Variants in HSP90AB1 observed in about 807,000 individuals in gnomAD.
HSP90AB1 encodes heat shock protein 90 alpha family class B member 1.
In HSP90AB1, 17 loss-of-function variants were observed where a neutral mutation model predicts 67.8. The ratio of observed to expected loss-of-function variants is 0.25; its 90% CI spans 0.17 to 0.38. The LOEUF is 0.38. Ranked by LOEUF, HSP90AB1 falls within the 10% of genes least tolerant of loss-of-function variation. The pLI is 1.00. For missense variants in HSP90AB1, 690 were observed against 899.9 expected, an observed-to-expected ratio of 0.77 and a Z score of 2.98; for synonymous variants, 390 against 312.9, an observed-to-expected ratio of 1.25 and a Z score of -2.60.
rs749077147 is a variant in HSP90AB1 at position 44,253,567 on chromosome 6, A to G, written c.2144A>G (p.Glu715Gly). ...GAGATCCCCCCTCTCGAGGGCGATGAGGATGCGTCTCGCATGGAAGAAGTC... is the reference window on the plus strand; with the variant it reads ...GAGATCCCCCCTCTCGAGGGCGATGGGGATGCGTCTCGCATGGAAGAAGTC... The part of the protein sequence containing the change: ...PDEIPPLEGD[E>G]DASRMEEVD Residue 715 changes from glutamate (E) to glycine (G), a missense_variant, in exon 12 of 12, where the codon GAG becomes GGG. By Grantham distance (98) the Glu-to-Gly change is moderately conservative (BLOSUM62 -2). Coordinates refer to ENST00000371646, the MANE Select transcript of HSP90AB1 (RefSeq NM_007355.4). 3 of 1,613,818 alleles carry G rather than the reference A, an allele frequency of 1.9e-6. No individual in the cohort carries two copies. The African/African-American group carries it at 4.0e-5, about 22-fold the overall frequency.
intron 6 of HSP90AB1, 54 bp downstream of exon 6, chr6:44,250,653 T>C: frequency 1.1e-6 from 1 of 949,246 alleles, no homozygotes; most frequent in Non-Finnish European, 1.7e-6. Context: ...GAGGAATGAG[T>C]TAGGTGGAAG....
In HSP90AB1 at chr6:44,253,290, T is replaced by C; in HGVS notation, c.1977T>C (p.Phe659=). ...KAVKDLVVLL[F]ETALLSSGFS... ...TTAAGGACCTGGTGGTGCTGCTGTT[T>C]GAAACCGCCCTGCTATCTTCTGGCT... The change falls in exon 11 of 12, where the codon TTT becomes TTC. Residue 659 remains phenylalanine (F), a synonymous_variant. Transcript: ENST00000371646. 6.2e-7 allele frequency: 1 copy of C among 1,614,226 alleles called. No homozygotes were observed. The highest frequency in any genetic ancestry group is 8.5e-7 in the Non-Finnish European group (1 of 1,180,032).
At chr6:44,246,930 T>C (rs1413811868), upstream of HSP90AB1, among the ~76,000 whole-genome samples, 2 of 152,192 alleles carry the variant, frequency 1.3e-5, no homozygotes, top group African/African-American at 2.4e-5. Context: ...GGCGGATCCG[T>C]TGCTTGGGTT....
chr6:44,251,375 C>T, intron 7 of HSP90AB1, 43 bp from the exon 8 acceptor site: 4 of 1,577,540 alleles, frequency 2.5e-6, no homozygotes, highest in Non-Finnish European at 3.5e-6. Context: ...CAGGTCTGGT[C>T]TAGCTGTTTT....
Position 44,251,057 on chromosome 6 carries a change from G to A in HSP90AB1, c.967G>A (p.Val323Ile). Residue 323 changes from valine (V) to isoleucine (I), a missense_variant, in exon 7 of 12, where the codon GTA (valine) becomes ATA (isoleucine). Val to Ile is a conservative substitution (Grantham distance 29). Transcript: ENST00000371646. ...TTTTGGTTTCTTTCAGCACTTTTCT[G>A]TAGAAGGTCAGTTGGAATTCAGGGC... ...EDHLAVKHFS[V>I]EGQLEFRALL... 6.2e-7 allele frequency: 1 copy of A among 1,613,982 alleles called. No individual in the cohort carries two copies. Among genetic ancestry groups the A allele is most frequent in the South Asian group, 1.1e-5 (1 of 91,076 alleles).
Position 44,253,552 on chromosome 6 carries a change from C to G in HSP90AB1, c.2129C>G (p.Pro710Arg). 1 of 1,614,172 alleles carries G rather than the reference C, an allele frequency of 6.2e-7. No homozygotes were observed. The highest frequency in any genetic ancestry group is 8.5e-7 in the Non-Finnish European group (1 of 1,179,990). ...GCTGCAGTTCCTGATGAGATCCCCCCTCTCGAGGGCGATGAGGATGCGTCT... is the reference window on the plus strand; with the variant it reads ...GCTGCAGTTCCTGATGAGATCCCCCGTCTCGAGGGCGATGAGGATGCGTCT... ...PNAAVPDEIP[P>R]LEGDEDASRM... The change falls in exon 12 of 12, where the codon CCT becomes CGT. Residue 710 changes from proline (P) to arginine (R), a missense_variant. Physicochemically the swap from Pro to Arg is moderately radical, Grantham distance 103. Coordinates refer to ENST00000371646, the MANE Select transcript of HSP90AB1 (RefSeq NM_007355.4).
rs557358401 is a variant in HSP90AB1, at chr6:44,248,804, A to C, written c.147+28A>C. ...AGGTGCTCTGGTTTCCACATTTGGC[A>C]TGGTTTTTTTTTTTGATACTCTAGA... On this transcript the variant is annotated intron_variant, in intron 2 of 11. Transcript: ENST00000371646. 3 of 1,522,408 alleles carry C rather than the reference A, an allele frequency of 2.0e-6. No individual in the cohort carries two copies. In the Admixed American group the frequency reaches 6.4e-5, roughly 33 times the overall value. 94.3% of individuals were successfully genotyped at this position (1,522,408 alleles called of 1,614,324 possible). A position where few individuals can be genotyped will look rare whatever the true frequency, so the allele number is the denominator to read the frequency against.
Position 44,252,178 on chromosome 6 carries a change from G to A in HSP90AB1, c.1642G>A (p.Glu548Lys), listed in dbSNP as rs1780716700. Reference protein sequence around the residue: ...KEGLELPEDEEEKKKMEESKA... With the variant: ...KEGLELPEDEKEKKKMEESKA... ...GGGTCTGGAGCTGCCTGAGGATGAG[G>A]AGGAGAAGAAGAAGATGGAAGAGAG... is the stretch of plus-strand genomic sequence containing the variant. The change falls in exon 10 of 12, where the codon GAG becomes AAG. Residue 548 changes from glutamate to lysine, a missense_variant. By Grantham distance (56) the Glu-to-Lys change is moderately conservative (BLOSUM62 1). Transcript: ENST00000371646. 2 of 1,614,136 alleles carry A rather than the reference G, an allele frequency of 1.2e-6. No homozygotes were observed. The highest frequency in any genetic ancestry group is 1.7e-6 in the Non-Finnish European group (2 of 1,180,002).
Position 44,252,916 on chromosome 6 carries a change from G to A in HSP90AB1, c.1732-129G>A, listed in dbSNP as rs1313679185. 5 of 706,998 alleles carry A rather than the reference G, an allele frequency of 7.1e-6. No individual in the cohort carries two copies. The East Asian group carries it at 1.3e-4, about 19-fold the overall frequency. 43.8% of individuals were successfully genotyped at this position (706,998 alleles called of 1,614,324 possible). A position where few individuals can be genotyped will look rare whatever the true frequency, so the allele number is the denominator to read the frequency against. On this transcript the variant is annotated intron_variant, in intron 10 of 11. Coordinates refer to ENST00000371646, the MANE Select transcript of HSP90AB1 (RefSeq NM_007355.4). ...TTTTTTGTAGACAGGGTTTTGCCAT[G>A]TTGGCCAGCATGGTCTCAAACTCAA...
chr6:44,248,276 A>AGGATTACTTGGGATCTCT (rs1780207746), intron 1 of HSP90AB1, among the ~76,000 whole-genome samples: 2 of 152,220 alleles, frequency 1.3e-5, no homozygotes, highest in Non-Finnish European at 2.9e-5. Context: ...AATTTGTGTA[A>AGGATTACTTGGGATCTCT]GGATTACTTG....
upstream of HSP90AB1, among the ~76,000 whole-genome samples, chr6:44,246,700 G>A (rs1461541945): frequency 6.6e-6 from 1 of 152,218 alleles, no homozygotes; most frequent in Non-Finnish European, 1.5e-5. Context: ...GTCTGGGAGC[G>A]GTGGTCCGCG....
intron 10 of HSP90AB1, 47 bp from the exon 11 acceptor site, chr6:44,252,998 C>T (rs761697853): frequency 2.0e-6 from 3 of 1,511,004 alleles, no homozygotes; most frequent in East Asian, 2.3e-5. Flanking sequence ...CCTGTTTTCT[C>T]TTTCAAAGTG....
intron 10 of HSP90AB1, among the ~76,000 whole-genome samples, chr6:44,252,731 T>G (rs1582989193): frequency 6.6e-6 from 1 of 152,012 alleles, no homozygotes; most frequent in Non-Finnish European, 1.5e-5. Flanking sequence ...CTCCTGACCT[T>G]GTGATTCGCC....
rs554300559 is a variant in HSP90AB1 at position 44,250,731 on chromosome 6, A to T, written c.957+132A>T. The T allele has an allele frequency of 1.5e-5, 10 of 649,026 alleles. No individual in the cohort carries two copies. The African/African-American group carries it at 1.6e-4, about 11-fold the overall frequency. 40.2% of individuals were successfully genotyped at this position (649,026 alleles called of 1,614,324 possible). A position where few individuals can be genotyped will look rare whatever the true frequency, so the allele number is the denominator to read the frequency against. The stretch of plus-strand genomic sequence containing the variant: ...AGAAATGTGATAGCCATGTGATTTC[A>T]CTTACTGATTACCCTGTCATAGTGA... On this transcript the variant is annotated intron_variant, in intron 6 of 11. Transcript: ENST00000371646.
At chr6:44,246,379 A>C (rs942416698), upstream of HSP90AB1, 2 of 151,818 alleles carry the variant, frequency 1.3e-5, no homozygotes, top group African/African-American at 2.4e-5. Context: ...TCGCTGCAAA[A>C]ACCCTGCCCC....
Position 44,251,844 on chromosome 6 carries a change from T to C in HSP90AB1, c.1422T>C (p.Ser474=). ...DEMTSLSEYV[S]RMKETQKSIY... is the part of the protein sequence containing the mutation. ...TGACATCTCTGTCAGAGTATGTTTCTCGCATGAAGGAGACACAGAAGTCCA... is the reference window on the plus strand; with the variant it reads ...TGACATCTCTGTCAGAGTATGTTTCCCGCATGAAGGAGACACAGAAGTCCA... The change falls in exon 9 of 12, where the codon TCT becomes TCC. Residue 474 remains serine, a synonymous_variant. Coordinates refer to ENST00000371646, the MANE Select transcript of HSP90AB1 (RefSeq NM_007355.4). The C allele has an allele frequency of 6.2e-7, 1 of 1,613,034 alleles. No individual in the cohort carries two copies. Among genetic ancestry groups the C allele is most frequent in the Non-Finnish European group, 8.5e-7 (1 of 1,180,032 alleles).
At chr6:44,252,339 T>C (rs504697) in intron 10 of HSP90AB1, 72 bp downstream of exon 10, 1,005,775 of 1,407,296 alleles carry the variant, frequency 0.71, 360,627 homozygotes, top group Middle Eastern at 0.79. Flanking sequence ...CATGTTTCTA[T>C]ACAATTAGTG....
chr6:44,252,737 T>C (rs966366949), intron 10 of HSP90AB1, among the ~76,000 whole-genome samples: 6 of 151,948 alleles, frequency 3.9e-5, no homozygotes, highest in East Asian at 1.9e-4. Context: ...ACCTTGTGAT[T>C]CGCCCACCTC....
Position 44,247,134 on chromosome 6 carries a change from T to C in HSP90AB1, c.-62T>C, listed in dbSNP as rs1238405739. 3 of 152,064 alleles carry C rather than the reference T, an allele frequency of 2.0e-5. No individual in the cohort carries two copies. The highest frequency in any genetic ancestry group is 6.6e-5 in the Admixed American group (1 of 15,260). The allele number at this position is 152,064 out of a possible 1,614,324, so 9.4% of individuals were successfully genotyped here. On this transcript the variant is annotated 5_prime_UTR_variant, in exon 1 of 12. Transcript: ENST00000371646. ...TCACTCCGGCGCAGTGTTGGGACTG[T>C]CTGGGTATCGGAAAGCAAGCCTACG...
Sources: allele counts gnomAD v4.1 joint callset (sites outside exome capture counted in the v4.1 genomes callset), GRCh38; gene constraint gnomAD v4.1.1; transcripts MANE v1.5; gene names NCBI Gene and HGNC (gene_info 2026-07-23, HGNC 2026-07-21).